ABCA13: variants seen among roughly 807,000 people sequenced by gnomAD.
The protein encoded by ABCA13 is ATP binding cassette subfamily A member 13, also known as ATP-binding cassette sub-family A member 13.
Under a neutral mutation model 478.7 loss-of-function variants are expected in ABCA13, and 476 were observed. That is an observed-to-expected ratio of 0.99 (90% CI 0.92 to 1.07). ABCA13 has a LOEUF of 1.07. Among genes scored for constraint, ABCA13 ranks in the 50% least tolerant of loss-of-function variants. The pLI, the probability that ABCA13 is intolerant of heterozygous loss-of-function variation, is 0.00. For synonymous variants in ABCA13, 2,252 were observed against 2,158.9 expected, an observed-to-expected ratio of 1.04 and a Z score of -1.20; for missense variants, 6,060 against 5,910.6, an observed-to-expected ratio of 1.03 and a Z score of -0.83.
chr7:48,445,069 C>T (rs1037226992), intron 42 of ABCA13, among the ~76,000 whole-genome samples: 49 of 149,868 alleles, frequency 3.3e-4, no homozygotes, highest in African/African-American at 1.1e-3. Flanking sequence ...AGTGCAATGG[C>T]GAGATCTCAG....
intron 52 of ABCA13, 67 bp from the exon 53 acceptor site, chr7:48,519,974 A>G (rs769733848): frequency 1.4e-6 from 2 of 1,439,370 alleles, no homozygotes; most frequent in South Asian, 1.5e-5. Context: ...AAAAGAAGTT[A>G]TTGGTATATA....
chr7:48,245,779 T>C, intron 12 of ABCA13, 84 bp from the exon 13 acceptor site: 2 of 1,459,256 alleles, frequency 1.4e-6, no homozygotes, highest in Non-Finnish European at 1.8e-6. Flanking sequence ...TCATTGCTTA[T>C]TATATTTGCA....
chr7:48,233,517 C>G (rs1213735515), intron 7 of ABCA13, among the ~76,000 whole-genome samples: 5 of 151,884 alleles, frequency 3.3e-5, no homozygotes, highest in Non-Finnish European at 7.4e-5. Flanking sequence ...GGAACTTTTT[C>G]TTATGACTTC....
At chr7:48,639,755 A>G (rs984296234) in intron 59 of ABCA13, among the ~76,000 whole-genome samples, 1 of 152,216 alleles carries the variant, frequency 6.6e-6, no homozygotes, top group African/African-American at 2.4e-5. Flanking sequence ...TCTAAAGTCT[A>G]AGATTAGTTT....
intron 42 of ABCA13, among the ~76,000 whole-genome samples, chr7:48,453,205 A>C (rs1825255201): frequency 6.6e-6 from 1 of 150,890 alleles, no homozygotes; most frequent in South Asian, 2.1e-4. Context: ...ATAAAAACAC[A>C]CTTTTAACTC....
chr7:48,229,735 A>T (rs1788771484), intron 6 of ABCA13, 90 bp from the exon 7 acceptor site: 11 of 1,490,394 alleles, frequency 7.4e-6, no homozygotes, highest in Non-Finnish European at 1.0e-5. Context: ...CTAGGGGCCC[A>T]GTCCATGGGA....
chr7:48,531,772 G>A (rs1007965497), intron 55 of ABCA13, among the ~76,000 whole-genome samples: 1 of 111,070 alleles, frequency 9.0e-6, no homozygotes, highest in Non-Finnish European at 1.8e-5. Flanking sequence ...TGTAAAAGAT[G>A]TTGAGCTCTT....
intron 58 of ABCA13, among the ~76,000 whole-genome samples, chr7:48,600,029 G>A (rs148032470): frequency 1.8e-3 from 276 of 152,288 alleles, no homozygotes; most frequent in African/African-American, 6.3e-3. Flanking sequence ...AAATATTCAA[G>A]TATAATTGTT....
rs1796134441 is a variant in ABCA13 at position 48,275,186 on chromosome 7, C to T, written c.5520C>T (p.Pro1840=). ...TTCGGCAGAATTCAAAGATAGACCCCTGCAATGTCCATGGGCTCATGTCTT... is the reference window on the plus strand; with the variant it reads ...TTCGGCAGAATTCAAAGATAGACCCTTGCAATGTCCATGGGCTCATGTCTT... ...SGFRQNSKID[P]CNVHGLMSSS... Residue 1840 remains proline, a synonymous_variant, in exon 17 of 62, where the codon CCC becomes CCT. Transcript: ENST00000435803. The T allele has an allele frequency of 1.9e-6, 3 of 1,613,802 alleles. No homozygotes were observed. The highest frequency in any genetic ancestry group is 1.3e-5 in the African/African-American group (1 of 74,930).
chr7:48,265,466 G>A (rs1445331713), intron 15 of ABCA13, among the ~76,000 whole-genome samples: 1 of 151,348 alleles, frequency 6.6e-6, no homozygotes, highest in African/African-American at 2.4e-5. Context: ...AACAAATCCT[G>A]TTGTGTTCAT....
In ABCA13 at chr7:48,392,240, T is replaced by C. The variant is rs1265419370; in HGVS notation, c.11873+101T>C. 32 of 1,103,824 alleles carry C rather than the reference T, an allele frequency of 2.9e-5. No individual in the cohort carries two copies. In the Middle Eastern group the frequency reaches 2.1e-3, roughly 72 times the overall value. 68.4% of individuals were successfully genotyped at this position (1,103,824 alleles called of 1,614,324 possible). A position where few individuals can be genotyped will look rare whatever the true frequency, so the allele number is the denominator to read the frequency against. On this transcript the variant is annotated intron_variant, in intron 38 of 61. Transcript: ENST00000435803. ...ACTTAAAAAATCATCTGTGTCTACATTTATAAGATGAAATAATTAGCAAAT... is the reference window on the plus strand; with the variant it reads ...ACTTAAAAAATCATCTGTGTCTACACTTATAAGATGAAATAATTAGCAAAT...
Position 48,455,140 on chromosome 7 carries a change from G to A in ABCA13, c.12669G>A (p.Gly4223=), listed in dbSNP as rs759811166. 2 of 1,574,340 alleles carry A rather than the reference G, an allele frequency of 1.3e-6. No individual in the cohort carries two copies. Among genetic ancestry groups the A allele is most frequent in the Admixed American group, 1.8e-5 (1 of 54,562 alleles). The change falls in exon 43 of 62, where the codon GGG becomes GGA. Residue 4223 remains glycine, a synonymous_variant. Coordinates refer to ENST00000435803, the MANE Select transcript of ABCA13 (RefSeq NM_152701.5). ...GGCTCCGCCGCACGCTGCGCGCCGG[G>A]AAGAGCACCCTCGCCGACCTGCTGC... is the stretch of plus-strand genomic sequence containing the variant. The part of the protein sequence containing the change: ...ARRLRRTLRA[G]KSTLADLLLP...
At chr7:48,243,202 C>T (rs1236976249) in intron 10 of ABCA13, 1 of 152,274 alleles carries the variant, frequency 6.6e-6, no homozygotes, top group Admixed American at 6.5e-5. Context: ...TCCCTAGGGT[C>T]TGGCCATGTG....
intron 52 of ABCA13, 76 bp downstream of exon 52, chr7:48,516,957 G>T: frequency 6.8e-7 from 1 of 1,470,678 alleles, no homozygotes; most frequent in Non-Finnish European, 9.2e-7. Context: ...TGCCTCTTTT[G>T]TTGCTTTTCT....
At chr7:48,507,210 C>G (rs568575143) in intron 49 of ABCA13, among the ~76,000 whole-genome samples, 1 of 152,252 alleles carries the variant, frequency 6.6e-6, no homozygotes, top group Non-Finnish European at 1.5e-5. Flanking sequence ...CACGATGGAG[C>G]AGAAGGCATG....
chr7:48,461,586 A>G (rs1826246986), intron 43 of ABCA13, among the ~76,000 whole-genome samples: 1 of 152,176 alleles, frequency 6.6e-6, no homozygotes, highest in Non-Finnish European at 1.5e-5. Context: ...ATGAGTGAAT[A>G]TATATCCTTC....
intron 50 of ABCA13, among the ~76,000 whole-genome samples, chr7:48,509,537 A>T (rs1005673217): frequency 6.6e-6 from 1 of 152,036 alleles, no homozygotes; most frequent in South Asian, 2.1e-4. Flanking sequence ...TTATCTCTTT[A>T]TGCCTCCCAC....
chr7:48,387,861 C>T lies in ABCA13; in HGVS notation c.11375C>T (p.Thr3792Ile), dbSNP rs776995810. 1.9e-6 allele frequency: 3 copies of T among 1,607,826 alleles called. No homozygotes were observed. The highest frequency in any genetic ancestry group is 2.5e-6 in the Non-Finnish European group (3 of 1,177,586). ...GLRKPWYFPF[T>I]ASYWKSVGFL... The stretch of plus-strand genomic sequence containing the variant: ...CGGAAACCATGGTATTTCCCCTTTA[C>T]TGCCTCATATTGGAAGAGTGTGGGT... Residue 3792 changes from threonine to isoleucine, a missense_variant, in exon 36 of 62, where the codon ACT (threonine) becomes ATT (isoleucine). By Grantham distance (89) the Thr-to-Ile change is moderately conservative. Around this residue, in one of 3 missense-constraint regions of ABCA13, gnomAD observed 1,627 missense variants for 1,571.0 expected, o/e 1.04. Coordinates refer to ENST00000435803, the MANE Select transcript of ABCA13 (RefSeq NM_152701.5).
chr7:48,388,677 A>G (rs751490985), intron 36 of ABCA13, among the ~76,000 whole-genome samples: 16 of 152,250 alleles, frequency 1.1e-4, no homozygotes, highest in Non-Finnish European at 1.9e-4. Context: ...GAACACATCA[A>G]CAAGCACCTA....
Sources: allele counts gnomAD v4.1 joint callset (sites outside exome capture counted in the v4.1 genomes callset), GRCh38; gene constraint gnomAD v4.1.1; regional missense constraint gnomAD v4.1.1; transcripts MANE v1.5; gene names NCBI Gene and HGNC (gene_info 2026-07-23, HGNC 2026-07-21).